The following CKM variants were observed in gnomAD, a reference collection of about 807,000 sequenced individuals.
The protein encoded by CKM is creatine kinase, M-type.
In CKM, 28 loss-of-function variants were observed where a neutral mutation model predicts 35.4. The observed-to-expected ratio is 0.79, with a 90% CI of 0.59 to 1.08. The LOEUF (loss-of-function observed/expected upper bound fraction) is 1.08. Ranked by LOEUF, CKM falls within the 50% of genes least tolerant of loss-of-function variation. The pLI, the probability that CKM is intolerant of heterozygous loss-of-function variation, is 0.00. For synonymous variants in CKM, 215 were observed against 204.4 expected, an observed-to-expected ratio of 1.05 and a Z score of -0.44; for missense variants, 484 against 509.8, an observed-to-expected ratio of 0.95 and a Z score of 0.49.
intron 7 of CKM, 141 bp downstream of exon 7, chr19:45,307,320 C>T: frequency 1.4e-6 from 1 of 732,082 alleles, no homozygotes; most frequent in South Asian, 1.7e-5. Context: ...ACCCATTTTA[C>T]AGAGGAAGAA....
In CKM at chr19:45,319,599, A is replaced by G. The variant is rs1971193043; in HGVS notation, c.115T>C (p.Tyr39His). 1.2e-6 allele frequency: 2 copies of G among 1,614,110 alleles called. No individual in the cohort carries two copies. Among genetic ancestry groups the G allele is most frequent in the Non-Finnish European group, 1.7e-6 (2 of 1,180,034 alleles). Residue 39 changes from tyrosine to histidine, a missense_variant, in exon 2 of 8, where the codon TAC becomes CAC. Coordinates refer to ENST00000221476, the MANE Select transcript of CKM (RefSeq NM_001824.5). ...HMAKVLTLEL[Y>H]KKLRDKETPS... ...GTCTCCTTGTCCCGCAGCTTCTTGTAGAGTTCAAGGGTCAGTACCTTGGCC... is the reference window on the plus strand; with the variant it reads ...GTCTCCTTGTCCCGCAGCTTCTTGTGGAGTTCAAGGGTCAGTACCTTGGCC...
intron 4 of CKM, among the ~76,000 whole-genome samples, chr19:45,313,292 G>A (rs1488267125): frequency 6.6e-6 from 1 of 152,104 alleles, no homozygotes; most frequent in Non-Finnish European, 1.5e-5. Flanking sequence ...GGCGATCCGT[G>A]ATCAGTGATC....
chr19:45,311,451 C>G (rs140867282), intron 5 of CKM, among the ~76,000 whole-genome samples: 1 of 152,086 alleles, frequency 6.6e-6, no homozygotes, highest in Non-Finnish European at 1.5e-5. Context: ...GTCTCAAACT[C>G]CTGACCTCAA....
intron 4 of CKM, among the ~76,000 whole-genome samples, chr19:45,314,942 G>A (rs1971142991): frequency 6.6e-6 from 1 of 151,572 alleles, no homozygotes; most frequent in Non-Finnish European, 1.5e-5. Flanking sequence ...GAACTCCTGG[G>A]CTCAAGCGAC....
intron 3 of CKM, among the ~76,000 whole-genome samples, chr19:45,316,494 T>G (rs997538220): frequency 2.6e-5 from 4 of 151,888 alleles, no homozygotes; most frequent in Non-Finnish European, 5.9e-5. Flanking sequence ...TTCTTTTTTT[T>G]GGGCAGAGAC....
chr19:45,322,827 G>A lies in CKM; in HGVS notation c.-25C>T. 1 of 985,982 alleles carries A rather than the reference G, an allele frequency of 1.0e-6. No homozygotes were observed. Among genetic ancestry groups the A allele is most frequent in the Non-Finnish European group, 1.2e-6 (1 of 830,420 alleles). The allele number at this position is 985,982 out of a possible 1,614,324, so 61.1% of individuals were successfully genotyped here. ...TTCCCGCCCCGTGCAGTACCTGGCT[G>A]GGCTGGGCTGAAGGGGGGCTGTCTG... On this transcript the variant is annotated 5_prime_UTR_variant, in exon 1 of 8. Transcript: ENST00000221476.
chr19:45,311,743 C>T lies in CKM; in HGVS notation c.653+6G>A. The T allele has an allele frequency of 6.4e-7, 1 of 1,567,932 alleles. No individual in the cohort carries two copies. The highest frequency in any genetic ancestry group is 8.6e-7 in the Non-Finnish European group (1 of 1,158,792). On this transcript the variant is annotated splice_donor_region_variant and intron_variant, in intron 5 of 7. Coordinates refer to ENST00000221476, the MANE Select transcript of CKM (RefSeq NM_001824.5). Reference sequence around the variant, plus strand: ...GAGGAAGCCAGGGGGCGGGGAGGGGCCTCACCAGATGCCACGGGCGTCGGG... The same window carrying T: ...GAGGAAGCCAGGGGGCGGGGAGGGGTCTCACCAGATGCCACGGGCGTCGGG...
At chr19:45,312,445 G>A (rs889083929) in intron 4 of CKM, among the ~76,000 whole-genome samples, 6 of 150,792 alleles carry the variant, frequency 4.0e-5, no homozygotes, top group African/African-American at 7.3e-5. Context: ...TTTATGAGAC[G>A]GAGTTTTGCT....
At chr19:45,321,784 TGGACCCAGAAAGGAGAAG>T (rs1290360754) in intron 1 of CKM, among the ~76,000 whole-genome samples, 4 of 151,992 alleles carry the variant, frequency 2.6e-5, no homozygotes, top group Non-Finnish European at 5.9e-5. Context: ...TTTTATTCAC[TGGACCCAGAAAGGAGAAG>T]GGACCCAGAA....
rs111725969 is a variant in CKM at position 45,322,298 on chromosome 19, A to G, written c.-19+523T>C. ...GACTCCCCAGATCACACTGTAAACT[A>G]AGTCACACAGTCACACTTCCAAACT... is the stretch of plus-strand genomic sequence containing the variant. On this transcript the variant is annotated intron_variant, in intron 1 of 7. Transcript: ENST00000221476. 2.0e-3 allele frequency among the ~76,000 whole-genome samples: 309 copies of G among 152,142 alleles called. 1 individual carries two copies. The highest frequency in any genetic ancestry group is 6.9e-3 in the African/African-American group (287 of 41,522).
In CKM at chr19:45,306,611, A is replaced by G; in HGVS notation, c.*139T>C. ...TGGTTGGAACTCTGGTTGAAACTGGAACTCTGAGAAGGGTGGAGAGAGCCC... is the reference window on the plus strand; with the variant it reads ...TGGTTGGAACTCTGGTTGAAACTGGGACTCTGAGAAGGGTGGAGAGAGCCC... On this transcript the variant is annotated 3_prime_UTR_variant, in exon 8 of 8. Coordinates refer to ENST00000221476, the MANE Select transcript of CKM (RefSeq NM_001824.5). This position sits in a 1 kb window ranked among gnomAD's most constrained non-coding sequence, Gnocchi z 4.5. 2 of 833,142 alleles carry G rather than the reference A, an allele frequency of 2.4e-6. No homozygotes were observed. Among genetic ancestry groups the G allele is most frequent in the Non-Finnish European group, 3.9e-6 (2 of 507,624 alleles). The allele number at this position is 833,142 out of a possible 1,614,324, so 51.6% of individuals were successfully genotyped here.
In CKM at chr19:45,316,307, G is replaced by A. The variant is rs180854361; in HGVS notation, c.349-710C>T. Among the ~76,000 whole-genome samples, 186 of 146,312 alleles carry A rather than the reference G, an allele frequency of 1.3e-3. 1 individual carries two copies. The highest frequency in any genetic ancestry group is 3.6e-3 in the African/African-American group (145 of 40,038). Reference sequence around the variant, plus strand: ...ATCGAGCCACTGCACTCCAACCTGGGTGACAGAGTGAGATTCTGTCTCAAA... The same window carrying A: ...ATCGAGCCACTGCACTCCAACCTGGATGACAGAGTGAGATTCTGTCTCAAA... On this transcript the variant is annotated intron_variant, in intron 3 of 7. Transcript: ENST00000221476.
chr19:45,312,610 C>T (rs1374053332), intron 4 of CKM, among the ~76,000 whole-genome samples: 7 of 151,108 alleles, frequency 4.6e-5, no homozygotes, highest in East Asian at 2.0e-4. Context: ...TTAGTAGAGA[C>T]GGGGTTTCTC....
intron 1 of CKM, among the ~76,000 whole-genome samples, chr19:45,320,096 C>CT (rs1226716719): frequency 7.0e-5 from 10 of 142,572 alleles, no homozygotes; most frequent in Admixed American, 4.9e-4. Flanking sequence ...GCCTTTTCTT[C>CT]TTTTTTTTGA....
chr19:45,314,132 AGGGAG>A (rs1193056572), intron 4 of CKM, among the ~76,000 whole-genome samples: 266 of 141,182 alleles, frequency 1.9e-3, no homozygotes, highest in African/African-American at 7.0e-3. Flanking sequence ...GAAGGAAGGG[AGGGAG>A]GGAAGGAAGG....
At chr19:45,312,689 C>T (rs866762784) in intron 4 of CKM, among the ~76,000 whole-genome samples, 3 of 152,098 alleles carry the variant, frequency 2.0e-5, no homozygotes, top group Admixed American at 6.5e-5. Flanking sequence ...CGCAGTGGCT[C>T]ATGCCTATAA....
intron 3 of CKM, among the ~76,000 whole-genome samples, chr19:45,317,344 A>G (rs1265605059): frequency 6.6e-6 from 1 of 151,768 alleles, no homozygotes; most frequent in African/African-American, 2.4e-5. Flanking sequence ...CTGGAGTGCA[A>G]TGGCACGATC....
At position 45,308,432 on chromosome 19, in the gene CKM, G is replaced by A. The variant is rs751425404; in HGVS notation, c.754C>T (p.Arg252Cys). Residue 252 changes from arginine (R) to cysteine (C), a missense_variant, in exon 6 of 8, where the codon CGC becomes TGC. Coordinates refer to ENST00000221476, the MANE Select transcript of CKM (RefSeq NM_001824.5). Reference sequence around the variant, plus strand: ...ACCTTCTGCAGCCCTACGCAGAAGCGGCGGAAAACCTCCTTCATGTTGCCC... The same window carrying A: ...ACCTTCTGCAGCCCTACGCAGAAGCAGCGGAAAACCTCCTTCATGTTGCCC... ...KGGNMKEVFR[R>C]FCVGLQKIEE... 22 of 1,614,032 alleles carry A rather than the reference G, an allele frequency of 1.4e-5. No homozygotes were observed. The highest frequency in any genetic ancestry group is 2.7e-5 in the African/African-American group (2 of 74,922).
At position 45,308,417 on chromosome 19, in the gene CKM, G is replaced by T. The variant is rs760870133; in HGVS notation, c.769C>A (p.Leu257Met). The T allele has an allele frequency of 2.5e-6, 4 of 1,614,136 alleles. No individual in the cohort carries two copies. The East Asian group carries it at 6.7e-5, about 27-fold the overall frequency. Residue 257 changes from leucine (L) to methionine (M), a missense_variant, in exon 6 of 8, where the codon CTG becomes ATG. By Grantham distance (15) the Leu-to-Met change is conservative. Transcript: ENST00000221476. ...TAAGGGCAGACACCCACCTTCTGCA[G>T]CCCTACGCAGAAGCGGCGGAAAACC... ...KEVFRRFCVG[L>M]QKIEEIFKKA...
Sources: allele counts gnomAD v4.1 joint callset (sites outside exome capture counted in the v4.1 genomes callset), GRCh38; gene constraint gnomAD v4.1.1; non-coding constraint Gnocchi (gnomAD v3.1); transcripts MANE v1.5; gene names NCBI Gene and HGNC (gene_info 2026-07-23, HGNC 2026-07-21).